CHN2: variants seen among roughly 807,000 people sequenced by gnomAD.
CHN2 encodes chimerin 2, also known as beta-chimaerin.
Under a neutral mutation model 56.3 loss-of-function variants are expected in CHN2, and 35 were observed. That is an observed-to-expected ratio of 0.62 (90% CI 0.47 to 0.82). The LOEUF (loss-of-function observed/expected upper bound fraction) is 0.82, where lower values mean the gene tolerates loss of function less well. Among genes scored for constraint, CHN2 ranks in the 40% least tolerant of loss-of-function variants. The probability of loss-of-function intolerance (pLI) is 0.00; values close to 1 mark genes in which losing one functional copy is unlikely to be tolerated. For missense variants in CHN2, 491 were observed against 580.5 expected (o/e 0.85, Z 1.58); for synonymous variants, 210 against 212.8 (o/e 0.99, Z 0.12).
At chr7:29,212,072 G>T (rs1785000259) in intron 1 of CHN2, among the ~76,000 whole-genome samples, 1 of 152,106 alleles carries the variant, frequency 6.6e-6, no homozygotes, top group African/African-American at 2.4e-5. Context: ...AAATATTTCA[G>T]ATGGTATCTC....
chr7:29,479,914 G>C lies in CHN2; in HGVS notation c.577-365G>C, dbSNP rs551555906. On this transcript the variant is annotated intron_variant, in intron 6 of 12. Coordinates refer to ENST00000222792, the MANE Select transcript of CHN2 (RefSeq NM_004067.4). ...GGCCTTAAGAAATAGCACAAAACAG[G>C]CCCATCCTTATTCAGAAGCCGGGCC... 3.2e-4 allele frequency: 454 copies of C among 1,433,422 alleles called. 1 individual carries two copies. The highest frequency in any genetic ancestry group is 5.2e-4 in the Middle Eastern group (2 of 3,866). 88.8% of individuals were successfully genotyped at this position (1,433,422 alleles called of 1,614,324 possible).
At chr7:29,199,823 C>A (rs1047781014) in intron 1 of CHN2, 4 of 152,176 alleles carry the variant, frequency 2.6e-5, no homozygotes, top group Admixed American at 6.5e-5. Flanking sequence ...CTGGTTCTCC[C>A]CACTGACCCC....
intron 7 of CHN2, among the ~76,000 whole-genome samples, chr7:29,493,420 A>T (rs543604943): frequency 6.6e-6 from 1 of 152,324 alleles, no homozygotes; most frequent in African/African-American, 2.4e-5. Flanking sequence ...ACAATTTTAA[A>T]TATCATCTAT....
intron 1 of CHN2, among the ~76,000 whole-genome samples, chr7:29,276,364 G>A (rs1186928171): frequency 6.6e-6 from 1 of 152,210 alleles, no homozygotes; most frequent in Non-Finnish European, 1.5e-5. Flanking sequence ...ACTGGAGGCT[G>A]TCCCATGGGG....
chr7:29,395,003 C>G (rs1801632533), intron 4 of CHN2, among the ~76,000 whole-genome samples: 1 of 152,080 alleles, frequency 6.6e-6, no homozygotes, highest in Non-Finnish European at 1.5e-5. Flanking sequence ...CTGTGTTTCC[C>G]TTTATTTTTT....
At chr7:29,493,491 A>G (rs1327232043) in intron 7 of CHN2, among the ~76,000 whole-genome samples, 1 of 152,152 alleles carries the variant, frequency 6.6e-6, no homozygotes, top group East Asian at 1.9e-4. Context: ...CTCTCAAACT[A>G]TGAGTTCCTG....
intron 12 of CHN2, among the ~76,000 whole-genome samples, chr7:29,510,029 T>C (rs1236341098): frequency 6.6e-6 from 1 of 152,074 alleles, no homozygotes; most frequent in African/African-American, 2.4e-5. Flanking sequence ...ACACAAGCCC[T>C]GTACTCTGTG....
At chr7:29,497,794 C>T (rs1238189137) in intron 8 of CHN2, among the ~76,000 whole-genome samples, 1 of 152,140 alleles carries the variant, frequency 6.6e-6, no homozygotes, top group Non-Finnish European at 1.5e-5. Context: ...TACATAAACA[C>T]ATTGTTGCTT....
intron 2 of CHN2, among the ~76,000 whole-genome samples, chr7:29,168,946 A>G (rs982625065): frequency 6.6e-6 from 1 of 152,180 alleles, no homozygotes; most frequent in Non-Finnish European, 1.5e-5. Flanking sequence ...ACCCAGCCCA[A>G]TGTGATTCAA....
chr7:29,504,682 CT>C (rs200507124), intron 9 of CHN2, 61 bp from the exon 10 acceptor site: 119,884 of 850,524 alleles, frequency 0.14, 437 homozygotes, highest in East Asian at 0.25. Context: ...TGAAATTAGT[CT>C]TTTTTTTTTT....
intron 1 of CHN2, among the ~76,000 whole-genome samples, chr7:29,338,903 C>T (rs1232422658): frequency 6.6e-6 from 1 of 152,144 alleles, no homozygotes; most frequent in South Asian, 2.1e-4. Flanking sequence ...TTAAATAAGA[C>T]ACTGCATACA....
At chr7:29,275,965 T>C (rs1791169149) in intron 1 of CHN2, among the ~76,000 whole-genome samples, 1 of 152,110 alleles carries the variant, frequency 6.6e-6, no homozygotes, top group Non-Finnish European at 1.5e-5. Context: ...ATGGTCGCTA[T>C]TTGGGTGATA....
At chr7:29,275,215 T>C (rs1050695803) in intron 1 of CHN2, among the ~76,000 whole-genome samples, 5 of 152,206 alleles carry the variant, frequency 3.3e-5, no homozygotes, top group African/African-American at 1.2e-4. Context: ...CTTAAAATAG[T>C]GTATAATATT....
At chr7:29,256,813 C>T (rs970221908) in intron 1 of CHN2, among the ~76,000 whole-genome samples, 5 of 152,022 alleles carry the variant, frequency 3.3e-5, no homozygotes, top group Non-Finnish European at 7.4e-5. Flanking sequence ...AGGAACCGAT[C>T]GCCCCCCCAC....
chr7:29,490,098 C>T (rs1037491859), intron 7 of CHN2, among the ~76,000 whole-genome samples: 1 of 147,876 alleles, frequency 6.8e-6, no homozygotes, highest in African/African-American at 2.5e-5. Context: ...CAGAGACCAA[C>T]GTGATGTCAT....
At chr7:29,173,723 A>T (rs1454511827) in intron 2 of CHN2, among the ~76,000 whole-genome samples, 2 of 151,050 alleles carry the variant, frequency 1.3e-5, no homozygotes, top group Non-Finnish European at 2.9e-5. Context: ...CGGGCAGATC[A>T]CTTGAGGTCA....
chr7:29,511,975 CTAGAAA>C (rs762501863), intron 12 of CHN2, among the ~76,000 whole-genome samples: 1 of 151,992 alleles, frequency 6.6e-6, no homozygotes, highest in Non-Finnish European at 1.5e-5. Flanking sequence ...CCTGTGGGAA[CTAGAAA>C]TAATGTCCAA....
chr7:29,251,221 G>A (rs901690583), intron 1 of CHN2, among the ~76,000 whole-genome samples: 1 of 152,224 alleles, frequency 6.6e-6, no homozygotes, highest in Non-Finnish European at 1.5e-5. Context: ...GAGGGGCCAA[G>A]GCTGGCGGAT....
intron 6 of CHN2, among the ~76,000 whole-genome samples, chr7:29,463,531 G>A (rs768107664): frequency 6.6e-6 from 1 of 152,222 alleles, no homozygotes; most frequent in Non-Finnish European, 1.5e-5. Flanking sequence ...GGGTAAAAGG[G>A]CAGTTTCCTG....
Sources: gnomAD v4.1 joint callset for allele counts (sites outside exome capture counted in the v4.1 genomes callset) on GRCh38, gnomAD v4.1.1 for gene constraint, MANE v1.5 for transcripts, NCBI Gene and HGNC (gene_info 2026-07-23, HGNC 2026-07-21) for gene names.